RANBP17: variants seen among roughly 807,000 people sequenced by gnomAD.
RANBP17 encodes the protein RAN binding protein 17.
In RANBP17, 158 loss-of-function variants were observed where a neutral mutation model predicts 141.2. The ratio of observed to expected loss-of-function variants is 1.12; its 90% confidence interval spans 0.98 to 1.28. The LOEUF (loss-of-function observed/expected upper bound fraction) is 1.28, where lower values mean the gene tolerates loss of function less well. Ranked by LOEUF, RANBP17 falls within the 50% of genes most tolerant of loss-of-function variation. The probability of loss-of-function intolerance (pLI) is 0.00; values close to 1 mark genes in which losing one functional copy is unlikely to be tolerated. For synonymous variants in RANBP17, 430 were observed against 450.0 expected, an observed-to-expected ratio of 0.96 and a Z score of 0.56; for missense variants, 1,438 against 1,290.7, an observed-to-expected ratio of 1.11 and a Z score of -1.75.
chr5:171,137,177 A>G (rs963784617), intron 14 of RANBP17, among the ~76,000 whole-genome samples: 1 of 152,190 alleles, frequency 6.6e-6, no homozygotes, highest in Non-Finnish European at 1.5e-5. Context: ...ATTTTTCCAC[A>G]TGAAAGTATT....
chr5:170,905,310 A>G (rs1770984747), intron 5 of RANBP17, among the ~76,000 whole-genome samples: 1 of 152,050 alleles, frequency 6.6e-6, no homozygotes, highest in Non-Finnish European at 1.5e-5. Context: ...GTGTTTAAAA[A>G]CTGTCATCTT....
chr5:171,107,754 A>G (rs533864604), intron 14 of RANBP17, among the ~76,000 whole-genome samples: 3 of 152,344 alleles, frequency 2.0e-5, no homozygotes, highest in African/African-American at 7.2e-5. Flanking sequence ...CAAGGGAAAT[A>G]TGGTTATCAG....
At chr5:171,236,214 G>A (rs1764535762) in intron 22 of RANBP17, among the ~76,000 whole-genome samples, 1 of 152,142 alleles carries the variant, frequency 6.6e-6, no homozygotes, top group Admixed American at 6.5e-5. Context: ...CATTCAGCCT[G>A]TACAGTTGTC....
At chr5:171,171,420 C>G (rs1760092058) in intron 16 of RANBP17, 134 bp downstream of exon 16, 1 of 502,878 alleles carries the variant, frequency 2.0e-6, no homozygotes, top group Admixed American at 3.6e-5. Flanking sequence ...TTAGCCTTAT[C>G]TGTAAATGCA....
intron 19 of RANBP17, among the ~76,000 whole-genome samples, chr5:171,203,768 T>C (rs1441734228): frequency 4.6e-5 from 7 of 152,204 alleles, no homozygotes; most frequent in African/African-American, 1.7e-4. Context: ...GTAAAACTCA[T>C]GGTTCTTGTT....
intron 14 of RANBP17, among the ~76,000 whole-genome samples, chr5:171,115,210 T>G (rs533942538): frequency 1.3e-5 from 2 of 152,334 alleles, no homozygotes; most frequent in South Asian, 2.1e-4. Flanking sequence ...GCATCTTTTT[T>G]GTTCTTGATG....
chr5:170,976,491 A>G (rs1350707046), intron 14 of RANBP17, among the ~76,000 whole-genome samples: 1 of 152,170 alleles, frequency 6.6e-6, no homozygotes, highest in Non-Finnish European at 1.5e-5. Context: ...GCTTATCCTT[A>G]AATTTGTGTG....
Position 171,018,653 on chromosome 5 carries a change from G to A in RANBP17, c.1710+50276G>A, listed in dbSNP as rs188718664. Among the ~76,000 whole-genome samples, 255 of 152,086 alleles carry A rather than the reference G, an allele frequency of 1.7e-3. 2 individuals are homozygous for A. The highest frequency in any genetic ancestry group is 0.011 in the South Asian group (53 of 4,808). ...GTTCCTTATCAGTTTAAGGAGTTTC[G>A]GGGCTGAGATGATGGGGTTTTCTAA... On this transcript the variant is annotated intron_variant, in intron 14 of 27. Transcript: ENST00000523189.
At chr5:170,942,812 A>G (rs1774435125) in intron 12 of RANBP17, among the ~76,000 whole-genome samples, 1 of 152,178 alleles carries the variant, frequency 6.6e-6, no homozygotes, top group Non-Finnish European at 1.5e-5. Flanking sequence ...GTTGGAAAAG[A>G]CCTATTTTCC....
intron 14 of RANBP17, among the ~76,000 whole-genome samples, chr5:171,011,351 T>C (rs763794813): frequency 2.0e-5 from 3 of 152,070 alleles, no homozygotes; most frequent in Non-Finnish European, 4.4e-5. Context: ...CCAACTAGTA[T>C]GTTTTTTGGC....
intron 24 of RANBP17, among the ~76,000 whole-genome samples, chr5:171,249,083 T>G (rs1765400824): frequency 6.6e-6 from 1 of 152,200 alleles, no homozygotes; most frequent in African/African-American, 2.4e-5. Flanking sequence ...CCTGCCTGGT[T>G]TCCCAGCTCC....
At chr5:171,160,967 T>C (rs904344302) in intron 14 of RANBP17, among the ~76,000 whole-genome samples, 10 of 152,254 alleles carry the variant, frequency 6.6e-5, no homozygotes, top group African/African-American at 2.4e-4. Context: ...TAATTTTTTG[T>C]ATTTTTAGTA....
At chr5:171,234,290 G>T (rs1180566777) in intron 22 of RANBP17, among the ~76,000 whole-genome samples, 2 of 152,156 alleles carry the variant, frequency 1.3e-5, no homozygotes, top group Non-Finnish European at 2.9e-5. Flanking sequence ...CAGCAAGGAG[G>T]TCAGTAGCTG....
At chr5:171,159,874 G>A in intron 14 of RANBP17, among the ~76,000 whole-genome samples, 1 of 129,674 alleles carries the variant, frequency 7.7e-6, no homozygotes, top group East Asian at 2.4e-4. Context: ...GGTGAGCCAG[G>A]ATCATGCCAC....
At chr5:170,968,731 A>T (rs996920546) in intron 14 of RANBP17, 1 of 457,466 alleles carries the variant, frequency 2.2e-6, no homozygotes, top group South Asian at 1.6e-5. Context: ...TTATTTATTT[A>T]TGTGGCTTCT....
intron 5 of RANBP17, among the ~76,000 whole-genome samples, chr5:170,908,654 T>TG (rs746248395): frequency 6.1e-5 from 9 of 148,088 alleles, no homozygotes; most frequent in Middle Eastern, 3.4e-3. Flanking sequence ...AAATGAAAGT[T>TG]GGGAAAAAAA....
intron 5 of RANBP17, among the ~76,000 whole-genome samples, chr5:170,908,749 CTGTTA>C (rs1771282666): frequency 1.3e-5 from 2 of 151,508 alleles, no homozygotes; most frequent in South Asian, 4.2e-4. Context: ...ATTTGGCCTT[CTGTTA>C]TGTTTCATGT....
chr5:171,219,324 T>G (rs1763415128), intron 21 of RANBP17, among the ~76,000 whole-genome samples: 1 of 152,154 alleles, frequency 6.6e-6, no homozygotes, highest in Admixed American at 6.5e-5. Flanking sequence ...GCCCTTAACA[T>G]TTTTTCCTTC....
chr5:171,137,175 A>G (rs1324572969), intron 14 of RANBP17, among the ~76,000 whole-genome samples: 1 of 152,214 alleles, frequency 6.6e-6, no homozygotes, highest in African/African-American at 2.4e-5. Context: ...ATATTTTTCC[A>G]CATGAAAGTA....
Sources: gnomAD v4.1 joint callset for allele counts (sites outside exome capture counted in the v4.1 genomes callset) on GRCh38, gnomAD v4.1.1 for gene constraint, MANE v1.5 for transcripts, NCBI Gene and HGNC (gene_info 2026-07-23, HGNC 2026-07-21) for gene names.